The following MPZL3 variants were observed in gnomAD, a reference collection of about 807,000 sequenced individuals.
MPZL3 encodes the protein myelin protein zero-like protein 3.
In MPZL3, 23 loss-of-function variants were observed where a neutral mutation model predicts 24.8. The ratio of observed to expected loss-of-function variants is 0.93; its 90% CI spans 0.67 to 1.31. MPZL3 has a LOEUF of 1.31. MPZL3 is among the 40% of genes most tolerant of loss of function. MPZL3 has a pLI of 0.00. For synonymous variants in MPZL3, 99 were observed against 106.5 expected, an observed-to-expected ratio of 0.93 and a Z score of 0.44; for missense variants, 277 against 294.9, an observed-to-expected ratio of 0.94 and a Z score of 0.44.
chr11:118,249,403 C>T (rs1161018812), intron 1 of MPZL3, among the ~76,000 whole-genome samples: 2 of 152,120 alleles, frequency 1.3e-5, no homozygotes, highest in African/African-American at 4.8e-5. Context: ...TTGTCTCTTC[C>T]ACTCATAAAA....
intron 1 of MPZL3, among the ~76,000 whole-genome samples, chr11:118,243,593 A>G (rs1383320956): frequency 6.6e-6 from 1 of 152,068 alleles, no homozygotes; most frequent in African/African-American, 2.4e-5. Flanking sequence ...ACATGGCAAA[A>G]CCCTGTCTCT....
intron 1 of MPZL3, among the ~76,000 whole-genome samples, chr11:118,248,575 G>A (rs955514634): frequency 2.0e-5 from 3 of 151,758 alleles, no homozygotes; most frequent in Admixed American, 2.0e-4. Context: ...GGATATGTGG[G>A]GTCTTAATTG....
At chr11:118,247,442 T>TC (rs1704746707) in intron 1 of MPZL3, among the ~76,000 whole-genome samples, 1 of 152,144 alleles carries the variant, frequency 6.6e-6, no homozygotes, top group Non-Finnish European at 1.5e-5. Context: ...ATGGTCAATT[T>TC]CAAGCTACAC....
At chr11:118,235,247 C>T (rs868417977) in intron 4 of MPZL3, among the ~76,000 whole-genome samples, 177 bp downstream of exon 4, 1 of 152,198 alleles carries the variant, frequency 6.6e-6, no homozygotes, top group Admixed American at 6.5e-5. Context: ...TTAATATTCA[C>T]ACACATCACT....
rs761849850 is a variant in MPZL3, at chr11:118,252,344, C to T, written c.-50G>A. 1 of 1,580,740 alleles carries T rather than the reference C, an allele frequency of 6.3e-7. No homozygotes were observed. The highest frequency in any genetic ancestry group is 2.3e-5 in the East Asian group (1 of 44,422). ...ACACCTTGTTTACAGCTCCCGGTAA[C>T]GACACAGGTAACACCGGAAGTGACG... On this transcript the variant is annotated 5_prime_UTR_variant, in exon 1 of 6. Transcript: ENST00000278949.
chr11:118,238,127 A>G (rs538165060), intron 2 of MPZL3, among the ~76,000 whole-genome samples: 1 of 129,498 alleles, frequency 7.7e-6, no homozygotes, highest in East Asian at 2.3e-4. Flanking sequence ...ACGGAGCTAG[A>G]CTCCGCCTCA....
intron 1 of MPZL3, among the ~76,000 whole-genome samples, chr11:118,242,508 T>C (rs1269496312): frequency 6.6e-6 from 1 of 152,256 alleles, no homozygotes; most frequent in Non-Finnish European, 1.5e-5. Context: ...CCTAAACTTC[T>C]GTCACTGCAT....
At chr11:118,233,721 C>T (rs1408675361) in intron 4 of MPZL3, among the ~76,000 whole-genome samples, 198 bp from the exon 5 acceptor site, 2 of 152,140 alleles carry the variant, frequency 1.3e-5, no homozygotes, top group East Asian at 1.9e-4. Flanking sequence ...TGGCCAGGCG[C>T]AGTGGCTCAT....
rs1473756142 is a variant in MPZL3 at position 118,226,784 on chromosome 11, C to T, written c.*3110G>A. 1 of 152,214 alleles carries T rather than the reference C, an allele frequency of 6.6e-6. No homozygotes were observed. The highest frequency in any genetic ancestry group is 1.5e-5 in the Non-Finnish European group (1 of 68,062). The allele number at this position is 152,214 out of a possible 1,614,324, so 9.4% of individuals were successfully genotyped here. On this transcript the variant is annotated 3_prime_UTR_variant, in exon 6 of 6. Coordinates refer to ENST00000278949, the MANE Select transcript of MPZL3 (RefSeq NM_198275.3). ...CATATGGCCCAACAGTGCCTACCCTCCTACAAAACAAAAACAAAAACAAAA... is the reference window on the plus strand; with the variant it reads ...CATATGGCCCAACAGTGCCTACCCTTCTACAAAACAAAAACAAAAACAAAA...
At position 118,237,099 on chromosome 11, in the gene MPZL3, T is replaced by G. The variant is rs771897366; in HGVS notation, c.402A>C (p.Pro134=). The G allele has an allele frequency of 6.2e-7, 1 of 1,614,080 alleles. No individual in the cohort carries two copies. Among genetic ancestry groups the G allele is most frequent in the Admixed American group, 1.7e-5 (1 of 60,016 alleles). Residue 134 remains proline (P), a synonymous_variant, in exon 3 of 6, where the codon CCA becomes CCC. Coordinates refer to ENST00000278949, the MANE Select transcript of MPZL3 (RefSeq NM_198275.3). ...GTFSCAVKNP[P]DVHHNIPMTE... is the part of the protein sequence containing the mutation. ...TCATGGGAATATTATGATGCACATC[T>G]GGGGGATTCTTCACAGCACAGCTGA...
At chr11:118,251,907 A>C (rs1949623124) in intron 1 of MPZL3, among the ~76,000 whole-genome samples, 1 of 152,202 alleles carries the variant, frequency 6.6e-6, no homozygotes, top group African/African-American at 2.4e-5. Context: ...AACCACTGAT[A>C]ATAACACCAC....
intron 5 of MPZL3, among the ~76,000 whole-genome samples, chr11:118,230,909 C>A (rs1172490215): frequency 6.6e-6 from 1 of 152,210 alleles, no homozygotes; most frequent in Non-Finnish European, 1.5e-5. Flanking sequence ...CTCTGTCTTG[C>A]AGCATCAATT....
chr11:118,245,411 C>A (rs1715416), intron 1 of MPZL3, among the ~76,000 whole-genome samples: 15,992 of 35,920 alleles, frequency 0.45, 2,388 homozygotes, highest in African/African-American at 0.59. Context: ...TACGATAGTC[C>A]ATTAAGAAAG....
chr11:118,246,619 C>G (rs1461463966), intron 1 of MPZL3, among the ~76,000 whole-genome samples: 1 of 135,224 alleles, frequency 7.4e-6, no homozygotes, highest in African/African-American at 2.9e-5. Flanking sequence ...GGGCATCACT[C>G]TGTTGCTCAG....
intron 3 of MPZL3, 25 bp downstream of exon 3, chr11:118,237,025 A>G: frequency 6.2e-7 from 1 of 1,603,348 alleles, no homozygotes; most frequent in Middle Eastern, 1.7e-4. Context: ...GCACTGCAGA[A>G]GAAGGTTGGT....
In MPZL3 at chr11:118,233,477, G is replaced by A. The variant is rs760495054; in HGVS notation, c.664C>T (p.Arg222Cys). 8.7e-6 allele frequency: 14 copies of A among 1,613,692 alleles called. No homozygotes were observed. Among genetic ancestry groups the A allele is most frequent in the Admixed American group, 1.7e-5 (1 of 59,974 alleles). The change falls in exon 5 of 6, where the codon CGT (arginine) becomes TGT (cysteine). Residue 222 changes from arginine (R) to cysteine (C), a missense_variant. Coordinates refer to ENST00000278949, the MANE Select transcript of MPZL3 (RefSeq NM_198275.3). ...EEACMARLCV[R>C]CAECLDSDYE... ...GCACTTACCAGGCACTCAGCGCAAC[G>A]GACACAAAGCCTCGCCATACACGCC...
chr11:118,230,278 T>A (rs999900870), intron 5 of MPZL3, among the ~76,000 whole-genome samples: 1 of 152,148 alleles, frequency 6.6e-6, no homozygotes, highest in African/African-American at 2.4e-5. Context: ...ATGTGCAAAA[T>A]TGTGGTTAGG....
intron 1 of MPZL3, among the ~76,000 whole-genome samples, chr11:118,241,113 A>T (rs767132066): frequency 6.6e-6 from 1 of 152,184 alleles, no homozygotes; most frequent in Non-Finnish European, 1.5e-5. Flanking sequence ...TCATTTATCC[A>T]ACTCTGACAC....
At position 118,237,332 on chromosome 11, in the gene MPZL3, C is replaced by A. The variant is rs1949439497; in HGVS notation, c.241-72G>T. ...ATGAAAATATAAAGCTCAGTAGGTC[C>A]AAAATAAAATACAACTGTATAATGG... On this transcript the variant is annotated intron_variant, in intron 2 of 5. Transcript: ENST00000278949. The A allele has an allele frequency of 5.1e-6, 7 of 1,363,940 alleles. No individual in the cohort carries two copies. In the East Asian group the frequency reaches 1.4e-4, roughly 27 times the overall value. The allele number at this position is 1,363,940 out of a possible 1,614,324, so 84.5% of individuals were successfully genotyped here. A position where few individuals can be genotyped will look rare whatever the true frequency, so the allele number is the denominator to read the frequency against.
Sources: allele counts gnomAD v4.1 joint callset (sites outside exome capture counted in the v4.1 genomes callset), GRCh38; gene constraint gnomAD v4.1.1; transcripts MANE v1.5; gene names NCBI Gene and HGNC (gene_info 2026-07-23, HGNC 2026-07-21).